SLX4IP: variants seen among roughly 807,000 people sequenced by gnomAD.
SLX4IP encodes the protein protein SLX4IP.
A neutral mutation model predicts 32.9 loss-of-function variants in SLX4IP; 34 were observed. The observed-to-expected ratio is 1.03, with a 90% CI of 0.79 to 1.38. SLX4IP has a LOEUF of 1.38. Ranked by LOEUF, SLX4IP falls within the 40% of genes most tolerant of loss-of-function variation. The pLI is 0.00. For missense variants in SLX4IP, 444 were observed against 479.0 expected, an observed-to-expected ratio of 0.93 and a Z score of 0.68; for synonymous variants, 172 against 171.7, an observed-to-expected ratio of 1.00 and a Z score of -0.01.
chr20:10,495,654 A>G (rs1262143208), intron 2 of SLX4IP, among the ~76,000 whole-genome samples: 3 of 152,196 alleles, frequency 2.0e-5, no homozygotes. Context: ...ACTGCTAAGT[A>G]TAAACAAGTT....
intron 2 of SLX4IP, among the ~76,000 whole-genome samples, chr20:10,495,685 C>G (rs1338732605): frequency 6.6e-6 from 1 of 152,140 alleles, no homozygotes; most frequent in Non-Finnish European, 1.5e-5. Context: ...CTATCATCCT[C>G]ATAGATTTTT....
At chr20:10,558,134 G>A (rs1411685979) in intron 3 of SLX4IP, among the ~76,000 whole-genome samples, 1 of 152,132 alleles carries the variant, frequency 6.6e-6, no homozygotes, top group Non-Finnish European at 1.5e-5. Context: ...GAGTCTAGGA[G>A]TTCAAGACCA....
intron 2 of SLX4IP, among the ~76,000 whole-genome samples, chr20:10,506,794 C>G (rs145875034): frequency 2.6e-5 from 4 of 152,260 alleles, no homozygotes; most frequent in Non-Finnish European, 5.9e-5. Flanking sequence ...AAAGCAGAAC[C>G]AGGTGAAAGG....
At position 10,623,078 on chromosome 20, in the gene SLX4IP, G is replaced by T. The variant is rs999155143; in HGVS notation, c.926G>T (p.Gly309Val). The stretch of plus-strand genomic sequence containing the variant: ...TCTGCGGAAGACTTCGACCACCACG[G>T]GAGAGTTTCTCTTGGAAGTGATCGA... ...CSSAEDFDHH[G>V]RVSLGSDRLV... is the part of the protein sequence containing the mutation. The change falls in exon 8 of 8, where the codon GGG becomes GTG. Residue 309 changes from glycine to valine, a missense_variant. Physicochemically the swap from Gly to Val is moderately radical, Grantham distance 109 (BLOSUM62 -3). Transcript: ENST00000334534. 10 of 1,614,002 alleles carry T rather than the reference G, an allele frequency of 6.2e-6. No individual in the cohort carries two copies. The highest frequency in any genetic ancestry group is 8.5e-6 in the Non-Finnish European group (10 of 1,180,000).
intron 4 of SLX4IP, among the ~76,000 whole-genome samples, chr20:10,571,259 G>T (rs2066462732): frequency 6.6e-6 from 1 of 152,152 alleles, no homozygotes; most frequent in African/African-American, 2.4e-5. Flanking sequence ...CAAGCCAGTT[G>T]CCCAGGACCT....
At chr20:10,565,004 T>A (rs955604563) in intron 4 of SLX4IP, among the ~76,000 whole-genome samples, 1 of 152,230 alleles carries the variant, frequency 6.6e-6, no homozygotes, top group Non-Finnish European at 1.5e-5. Context: ...ACTGCATATT[T>A]ATAGTTTAGG....
Position 10,621,294 on chromosome 20 carries a change from T to G in SLX4IP, c.406-20T>G. 1 of 1,609,156 alleles carries G rather than the reference T, an allele frequency of 6.2e-7. No individual in the cohort carries two copies. Among genetic ancestry groups the G allele is most frequent in the African/African-American group, 1.3e-5 (1 of 74,960 alleles). On this transcript the variant is annotated intron_variant, in intron 6 of 7. Coordinates refer to ENST00000334534, the MANE Select transcript of SLX4IP (RefSeq NM_001009608.3). The stretch of plus-strand genomic sequence containing the variant: ...CAGCTAATAGATTTCTGGTTGAACC[T>G]TTGTTATCTTTTGGAGTAGACAGAA...
chr20:10,463,120 G>A (rs556926021), intron 2 of SLX4IP, among the ~76,000 whole-genome samples: 3 of 152,166 alleles, frequency 2.0e-5, no homozygotes, highest in South Asian at 2.1e-4. Context: ...TACCCTCTTC[G>A]TTGGGGAGAG....
chr20:10,614,578 T>C (rs746017768), intron 6 of SLX4IP, among the ~76,000 whole-genome samples: 62 of 152,186 alleles, frequency 4.1e-4, no homozygotes, highest in African/African-American at 2.7e-4. Context: ...CTAATATTAA[T>C]GTCTTAGAGC....
intron 2 of SLX4IP, among the ~76,000 whole-genome samples, chr20:10,528,194 T>G (rs2065955400): frequency 6.6e-6 from 1 of 152,170 alleles, no homozygotes; most frequent in Admixed American, 6.5e-5. Flanking sequence ...AATTCAAAAG[T>G]TTTCTAACTT....
At chr20:10,469,729 T>C (rs921265336) in intron 2 of SLX4IP, among the ~76,000 whole-genome samples, 1 of 152,184 alleles carries the variant, frequency 6.6e-6, no homozygotes, top group Non-Finnish European at 1.5e-5. Flanking sequence ...TTATAAAGTA[T>C]CTTCCCGCTG....
At chr20:10,621,528 G>GTCACGTACTTACTCTCCCCTCCC in intron 7 of SLX4IP, 114 bp downstream of exon 7, 1 of 842,096 alleles carries the variant, frequency 1.2e-6, no homozygotes, top group East Asian at 2.7e-5. Flanking sequence ...ACTCCCCTCC[G>GTCACGTACTTACTCTCCCCTCCC]TCACGTACTT....
At chr20:10,499,856 A>T (rs1341725809) in intron 2 of SLX4IP, among the ~76,000 whole-genome samples, 3 of 152,232 alleles carry the variant, frequency 2.0e-5, no homozygotes, top group Non-Finnish European at 4.4e-5. Context: ...AAATCTATGT[A>T]TAGCTAATCA....
At chr20:10,560,625 G>C in intron 3 of SLX4IP, 75 bp from the exon 4 acceptor site, 1 of 1,123,498 alleles carries the variant, frequency 8.9e-7, no homozygotes, top group Non-Finnish European at 1.2e-6. Context: ...AATGTTCATT[G>C]TTAACTTTTT....
intron 2 of SLX4IP, among the ~76,000 whole-genome samples, chr20:10,528,845 C>A (rs903880716): frequency 6.6e-6 from 1 of 152,298 alleles, no homozygotes; most frequent in Admixed American, 6.5e-5. Context: ...TTTTGTAATT[C>A]GGGATTTTTC....
intron 1 of SLX4IP, among the ~76,000 whole-genome samples, chr20:10,438,543 T>A (rs1328522175): frequency 1.3e-5 from 2 of 148,726 alleles, no homozygotes; most frequent in Non-Finnish European, 3.0e-5. Flanking sequence ...AATGGTGCGA[T>A]CTTGGCTCAC....
At chr20:10,601,635 A>G in intron 5 of SLX4IP, 96 bp from the exon 6 acceptor site, 1 of 931,386 alleles carries the variant, frequency 1.1e-6, no homozygotes, top group Non-Finnish European at 1.7e-6. Flanking sequence ...GGATGTGCAT[A>G]TTGCAGTAAC....
At chr20:10,594,449 C>T (rs1167005325) in intron 4 of SLX4IP, among the ~76,000 whole-genome samples, 2 of 152,194 alleles carry the variant, frequency 1.3e-5, no homozygotes, top group Admixed American at 1.3e-4. Context: ...CTCGTAATAG[C>T]TGTGGGAGAG....
intron 2 of SLX4IP, among the ~76,000 whole-genome samples, chr20:10,512,778 C>CTATATA (rs57942782): frequency 0.028 from 690 of 24,652 alleles, 14 homozygotes; most frequent in East Asian, 0.043. Flanking sequence ...CACACACACT[C>CTATATA]TATATATATA....
Sources: allele counts gnomAD v4.1 joint callset (sites outside exome capture counted in the v4.1 genomes callset), GRCh38; gene constraint gnomAD v4.1.1; transcripts MANE v1.5; gene names NCBI Gene and HGNC (gene_info 2026-07-23, HGNC 2026-07-21).